The following TMEM130 variants were observed in gnomAD, a reference collection of about 807,000 sequenced individuals.
The protein encoded by TMEM130 is transmembrane protein 130.
TMEM130 carries 37 observed loss-of-function variants against 42.9 expected under a neutral mutation model. The observed-to-expected ratio is 0.86, with a 90% CI of 0.66 to 1.13. TMEM130 has a LOEUF of 1.13. Ranked by LOEUF, TMEM130 falls within the 50% of genes most tolerant of loss-of-function variation. TMEM130 has a pLI of 0.00. For missense variants in TMEM130, 545 were observed against 562.6 expected (o/e 0.97, Z 0.32); for synonymous variants, 259 against 237.7 (o/e 1.09, Z -0.82).
intron 6 of TMEM130, among the ~76,000 whole-genome samples, chr7:98,849,730 A>G (rs1203843): frequency 0.94 from 142,704 of 152,200 alleles, 66,911 homozygotes; most frequent in East Asian, 0.97. Flanking sequence ...CTCCTACCCC[A>G]GGACCAGGAA....
chr7:98,863,534 C>T, intron 1 of TMEM130, 134 bp from the exon 2 acceptor site: 4 of 844,376 alleles, frequency 4.7e-6, no homozygotes, highest in Non-Finnish European at 5.3e-6. Context: ...AAGTGACTTG[C>T]CCAAGGGTCA....
intron 1 of TMEM130, among the ~76,000 whole-genome samples, chr7:98,864,615 T>A (rs1351380035): frequency 6.6e-6 from 1 of 151,988 alleles, no homozygotes; most frequent in Non-Finnish European, 1.5e-5. Flanking sequence ...GATCCAGCTG[T>A]TGGCCAGGCA....
intron 3 of TMEM130, among the ~76,000 whole-genome samples, chr7:98,857,466 A>G (rs1177203153): frequency 1.3e-5 from 2 of 152,098 alleles, no homozygotes; most frequent in Non-Finnish European, 2.9e-5. Flanking sequence ...TTGGGAAGCC[A>G]AGGTGGGAGG....
In TMEM130 at chr7:98,846,599, G is replaced by A. The variant is rs1455902110; in HGVS notation, c.*1457C>T. 6.6e-6 allele frequency: 1 copy of A among 152,192 alleles called. No homozygotes were observed. The highest frequency in any genetic ancestry group is 2.4e-5 in the African/African-American group (1 of 41,414). The allele number at this position is 152,192 out of a possible 1,614,324, so 9.4% of individuals were successfully genotyped here. A position where few individuals can be genotyped will look rare whatever the true frequency, so the allele number is the denominator to read the frequency against. On this transcript the variant is annotated 3_prime_UTR_variant, in exon 8 of 8. Transcript: ENST00000339375. ...ATGCCATTTTCTGCACACAGCCTGGGAGCAGATGGTTACAGCGACAGAGCC... is the reference window on the plus strand; with the variant it reads ...ATGCCATTTTCTGCACACAGCCTGGAAGCAGATGGTTACAGCGACAGAGCC...
rs373287277 is a variant in TMEM130, at chr7:98,851,284, T to C, written c.1006+137A>G. 1.8e-4 allele frequency: 147 copies of C among 821,114 alleles called. 1 individual carries two copies. In the East Asian group the frequency reaches 3.3e-3, roughly 18 times the overall value. The allele number at this position is 821,114 out of a possible 1,614,324, so 50.9% of individuals were successfully genotyped here. On this transcript the variant is annotated intron_variant, in intron 6 of 7. Transcript: ENST00000339375. ...TCACTGGAGTCAGTGGGGTTATGGA[T>C]GGTGCTGATGCTAGCGGGCTTTGTT...
At chr7:98,848,331 G>A (rs1218199792) in intron 7 of TMEM130, 123 bp from the exon 8 acceptor site, 1 of 1,184,874 alleles carries the variant, frequency 8.4e-7, no homozygotes, top group East Asian at 2.5e-5. Flanking sequence ...CCTGGTGGCA[G>A]AGTGCACAGA....
chr7:98,861,533 A>G (rs1986189), intron 2 of TMEM130, among the ~76,000 whole-genome samples: 138,028 of 151,922 alleles, frequency 0.91, 62,713 homozygotes, highest in South Asian at 0.93. Flanking sequence ...TGGCCAACAT[A>G]GCGAAACCCT....
At chr7:98,850,267 A>ATTTTT (rs1161479294) in intron 6 of TMEM130, among the ~76,000 whole-genome samples, 3 of 28,820 alleles carry the variant, frequency 1.0e-4, no homozygotes, top group African/African-American at 2.3e-4. Flanking sequence ...ATATATATAT[A>ATTTTT]TATATATTTT....
intron 3 of TMEM130, among the ~76,000 whole-genome samples, chr7:98,858,954 G>A (rs555993762): frequency 7.2e-6 from 1 of 138,914 alleles, no homozygotes; most frequent in Admixed American, 7.1e-5. Flanking sequence ...GAGGGAAGGG[G>A]AGGGGAGGGT....
intron 2 of TMEM130, among the ~76,000 whole-genome samples, chr7:98,860,942 C>CAAAAAA (rs3066865): frequency 1.4e-4 from 10 of 69,482 alleles, no homozygotes; most frequent in South Asian, 5.7e-4. Flanking sequence ...GACTCTGTCT[C>CAAAAAA]AAAAAAAAAA....
At position 98,851,511 on chromosome 7, in the gene TMEM130, T is replaced by C; in HGVS notation, c.916A>G (p.Arg306Gly). 1 of 1,614,076 alleles carries C rather than the reference T, an allele frequency of 6.2e-7. No individual in the cohort carries two copies. Among genetic ancestry groups the C allele is most frequent in the Non-Finnish European group, 8.5e-7 (1 of 1,180,012 alleles). ...STAYNLTHTF[R>G]DPGDYCFSIR... ...CTGAAGCAGTAGTCCCCAGGGTCCC[T>C]GAAGGTGTGGGTCAGGTTGTACGCT... Residue 306 changes from arginine (R) to glycine (G), a missense_variant, in exon 6 of 8, where the codon AGG becomes GGG. By Grantham distance (125) the Arg-to-Gly change is moderately radical (BLOSUM62 -2). Coordinates refer to ENST00000339375, the MANE Select transcript of TMEM130 (RefSeq NM_152913.3).
At position 98,848,107 on chromosome 7, in the gene TMEM130, G is replaced by T. The variant is rs1554397625; in HGVS notation, c.1221C>A (p.Asn407Lys). 1 of 1,614,140 alleles carries T rather than the reference G, an allele frequency of 6.2e-7. No homozygotes were observed. Among genetic ancestry groups the T allele is most frequent in the African/African-American group, 1.3e-5 (1 of 75,034 alleles). The change falls in exon 8 of 8, where the codon AAC becomes AAA. Residue 407 changes from asparagine to lysine, a missense_variant. Physicochemically the swap from Asn to Lys is moderately conservative, Grantham distance 94. Coordinates refer to ENST00000339375, the MANE Select transcript of TMEM130 (RefSeq NM_152913.3). ...PSEYLEIVRE[N>K]HGLLPPLYKS... ...TATAGAGGGGCGGGAGCAGCCCGTG[G>T]TTCTCACGAACAATTTCCAGGTACT...
Position 98,869,808 on chromosome 7 carries a change from G to A in TMEM130, c.54C>T (p.Leu18=), listed in dbSNP as rs1429095629. The A allele has an allele frequency of 6.9e-7, 1 of 1,444,606 alleles. No individual in the cohort carries two copies. The highest frequency in any genetic ancestry group is 1.4e-5 in the South Asian group (1 of 72,352). 89.5% of individuals were successfully genotyped at this position (1,444,606 alleles called of 1,614,324 possible). Reference sequence around the variant, plus strand: ...CCACCCCTGCCGGGGCCCAGGGCAGGAGGCAGGCAAGCCAGAGGATGCGGC... The same window carrying A: ...CCACCCCTGCCGGGGCCCAGGGCAGAAGGCAGGCAAGCCAGAGGATGCGGC... ...RLGRILWLAC[L]LPWAPAGVAA... The change falls in exon 1 of 8, where the codon CTC becomes CTT. Residue 18 remains leucine, a synonymous_variant. Transcript: ENST00000339375. The surrounding 1 kb of genome is among the most constrained non-coding windows in gnomAD (Gnocchi z 4.7).
intron 1 of TMEM130, among the ~76,000 whole-genome samples, chr7:98,867,931 C>T (rs1794945463): frequency 6.6e-6 from 1 of 152,180 alleles, no homozygotes; most frequent in Non-Finnish European, 1.5e-5. Context: ...GCTCTACCCA[C>T]CAAATTCATC....
At position 98,847,759 on chromosome 7, in the gene TMEM130, A is replaced by C; in HGVS notation, c.*297T>G. 3.9e-6 allele frequency: 1 copy of C among 258,920 alleles called. No homozygotes were observed. The highest frequency in any genetic ancestry group is 7.3e-6 in the Non-Finnish European group (1 of 136,566). 16.0% of individuals were successfully genotyped at this position (258,920 alleles called of 1,614,324 possible). ...AGGCCCACCTGGGAGTCAACACGGA[A>C]CACCCCAAGCATCAAAGTCCTGCAC... is the stretch of plus-strand genomic sequence containing the variant. On this transcript the variant is annotated 3_prime_UTR_variant, in exon 8 of 8. Transcript: ENST00000339375.
intron 2 of TMEM130, 148 bp from the exon 3 acceptor site, chr7:98,860,486 C>A (rs1255823768): frequency 1.3e-6 from 1 of 756,880 alleles, no homozygotes; most frequent in Non-Finnish European, 2.1e-6. Context: ...GGGGACACCC[C>A]CCTACAACTC....
intron 1 of TMEM130, among the ~76,000 whole-genome samples, chr7:98,863,812 TTTC>T (rs1794846848): frequency 6.6e-6 from 1 of 151,186 alleles, no homozygotes; most frequent in Non-Finnish European, 1.5e-5. Context: ...CTTTCTCTTC[TTTC>T]TTTTTTTCTC....
chr7:98,864,253 T>G (rs1554400307), intron 1 of TMEM130, among the ~76,000 whole-genome samples: 1 of 152,106 alleles, frequency 6.6e-6, no homozygotes, highest in African/African-American at 2.4e-5. Flanking sequence ...TCATCCAGGC[T>G]GGGGTGTAGT....
Position 98,856,073 on chromosome 7 carries a change from G to C in TMEM130, c.662C>G (p.Ala221Gly), listed in dbSNP as rs1554398962. The change falls in exon 4 of 8, where the codon GCC (alanine) becomes GGC (glycine). Residue 221 changes from alanine to glycine, a missense_variant. Physicochemically the swap from Ala to Gly is moderately conservative, Grantham distance 60 (BLOSUM62 0). Transcript: ENST00000339375. ...VAEWEEVEPD[A>G]TRAVKQKTGD... ...GGTCTTCTGCTTCACAGCCCTCGTG[G>C]CATCCGGCTCCACCTCTTCCCACTC... The C allele has an allele frequency of 2.5e-6, 4 of 1,613,656 alleles. No homozygotes were observed. The Admixed American group carries it at 6.7e-5, about 27-fold the overall frequency.
Sources: gnomAD v4.1 joint callset for allele counts (sites outside exome capture counted in the v4.1 genomes callset) on GRCh38, gnomAD v4.1.1 for gene constraint, Gnocchi (gnomAD v3.1) non-coding constraint, MANE v1.5 for transcripts, NCBI Gene and HGNC (gene_info 2026-07-23, HGNC 2026-07-21) for gene names.